Variants in MALT1 observed in about 807,000 individuals in gnomAD.
MALT1 encodes the protein mucosa-associated lymphoid tissue lymphoma translocation protein 1.
MALT1 carries 36 observed loss-of-function variants against 85.5 expected under a neutral mutation model. That is an observed-to-expected ratio of 0.42 (90% CI 0.32 to 0.56). MALT1 has a LOEUF of 0.56. Among genes scored for constraint, MALT1 ranks in the 20% least tolerant of loss-of-function variants. The pLI is 0.10. For missense variants in MALT1, 716 were observed against 981.6 expected, an observed-to-expected ratio of 0.73 and a Z score of 3.62; for synonymous variants, 359 against 361.3, an observed-to-expected ratio of 0.99 and a Z score of 0.07.
At chr18:58,727,614 G>GTTTTTTTTTT (rs1602327763) in intron 10 of MALT1, among the ~76,000 whole-genome samples, 13 of 110,484 alleles carry the variant, frequency 1.2e-4, no homozygotes, top group African/African-American at 5.3e-4. Flanking sequence ...AAGGTTTTTT[G>GTTTTTTTTTT]TGTTTTTTTT....
intron 4 of MALT1, among the ~76,000 whole-genome samples, chr18:58,706,446 C>T (rs971369029): frequency 3.9e-5 from 6 of 152,184 alleles, no homozygotes; most frequent in East Asian, 3.9e-4. Context: ...TGAGCCACCG[C>T]GCCCAGCCCA....
intron 2 of MALT1, among the ~76,000 whole-genome samples, chr18:58,687,946 A>C (rs142007845): frequency 2.2e-4 from 34 of 152,326 alleles, no homozygotes; most frequent in African/African-American, 7.5e-4. Context: ...AACTTCTCTG[A>C]CTTCTTTGTA....
chr18:58,716,059 AAATGTG>A (rs2144403642), intron 9 of MALT1, 92 bp downstream of exon 9: 1 of 909,522 alleles, frequency 1.1e-6, no homozygotes, highest in African/African-American at 1.7e-5. Flanking sequence ...TTTTTTAAAG[AAATGTG>A]AATAACATTG....
chr18:58,723,313 G>A, intron 10 of MALT1, 62 bp downstream of exon 10: 2 of 1,288,470 alleles, frequency 1.6e-6, no homozygotes, highest in Admixed American at 3.9e-5. Flanking sequence ...ATACAAGTTA[G>A]GTTAAGAATT....
chr18:58,737,291 G>A (rs1002652104), intron 13 of MALT1, among the ~76,000 whole-genome samples: 1 of 152,038 alleles, frequency 6.6e-6, no homozygotes, highest in Non-Finnish European at 1.5e-5. Flanking sequence ...ACCAACCTAG[G>A]CAACATTGTC....
rs760891541 is a variant in MALT1, at chr18:58,715,995, A to G, written c.1018+28A>G. 3 of 1,535,620 alleles carry G rather than the reference A, an allele frequency of 2.0e-6. No homozygotes were observed. In the Admixed American group the frequency reaches 5.5e-5, roughly 28 times the overall value. On this transcript the variant is annotated intron_variant, in intron 9 of 16. Transcript: ENST00000649217. ...GAGTAGAACTTTAAAATGCATTATC[A>G]AAGTATAATTATTGTGTATAACTCC...
intron 6 of MALT1, 61 bp from the exon 7 acceptor site, chr18:58,710,860 C>A: frequency 8.9e-7 from 1 of 1,128,834 alleles, no homozygotes; most frequent in Non-Finnish European, 1.3e-6. Flanking sequence ...ATTTGCTTGA[C>A]GGCTGCCCTT....
chr18:58,727,616 G>GTTTTTTTTTTTTTTTTTTTTTT lies in MALT1; in HGVS notation c.1222+4376_1222+4377insTTTTTTTTTTTTTTTTTTTTTT, dbSNP rs751434443. Among the ~76,000 whole-genome samples the GTTTTTTTTTTTTTTTTTTTTTT allele has an allele frequency of 7.5e-4, 91 of 121,234 alleles. 9 individuals are homozygous for GTTTTTTTTTTTTTTTTTTTTTT. Among genetic ancestry groups the GTTTTTTTTTTTTTTTTTTTTTT allele is most frequent in the African/African-American group, 2.3e-3 (70 of 30,636 alleles). 79.5% of individuals were successfully genotyped at this position (121,234 alleles called of 152,430 possible). ...ACCCAGCCTGCCAAAGGTTTTTTGT[G>GTTTTTTTTTTTTTTTTTTTTTT]TTTTTTTTTTTGTTTTTTTTTTTTT... On this transcript the variant is annotated intron_variant, in intron 10 of 16. Transcript: ENST00000649217.
chr18:58,679,592 C>T (rs190487230), intron 1 of MALT1, among the ~76,000 whole-genome samples: 1 of 152,260 alleles, frequency 6.6e-6, no homozygotes, highest in Non-Finnish European at 1.5e-5. Flanking sequence ...CTCGATCTGT[C>T]GCCCAAGCTG....
At chr18:58,719,067 T>C (rs1420424619) in intron 9 of MALT1, among the ~76,000 whole-genome samples, 1 of 152,182 alleles carries the variant, frequency 6.6e-6, no homozygotes, top group African/African-American at 2.4e-5. Context: ...ATACTGGTAA[T>C]GTAGTTATTT....
In MALT1 at chr18:58,747,891, T is replaced by A; in HGVS notation, c.*49T>A. 1 of 1,441,278 alleles carries A rather than the reference T, an allele frequency of 6.9e-7. No homozygotes were observed. The highest frequency in any genetic ancestry group is 9.6e-7 in the Non-Finnish European group (1 of 1,040,218). 89.3% of individuals were successfully genotyped at this position (1,441,278 alleles called of 1,614,324 possible). On this transcript the variant is annotated 3_prime_UTR_variant, in exon 17 of 17. Coordinates refer to ENST00000649217, the MANE Select transcript of MALT1 (RefSeq NM_006785.4). Reference sequence around the variant, plus strand: ...ATAATTTTAGATGCCTGTGAAATAGTACTGCACTTACATAAAGTGAGACAT... The same window carrying A: ...ATAATTTTAGATGCCTGTGAAATAGAACTGCACTTACATAAAGTGAGACAT...
chr18:58,724,392 T>G (rs796916205), intron 10 of MALT1, among the ~76,000 whole-genome samples: 10 of 152,316 alleles, frequency 6.6e-5, no homozygotes, highest in African/African-American at 2.4e-4. Flanking sequence ...ATTTCAGCTA[T>G]TATGCTGATG....
chr18:58,704,802 AGTTTGGAATGTCTTT>A (rs1306405112), intron 4 of MALT1, among the ~76,000 whole-genome samples: 3 of 150,518 alleles, frequency 2.0e-5, no homozygotes, highest in Non-Finnish European at 1.5e-5. Context: ...TCATTCTTTT[AGTTTGGAATGTCTTT>A]GTTTAAAGTT....
chr18:58,671,689 G>A lies in MALT1; in HGVS notation c.46G>A (p.Ala16Thr). The change falls in exon 1 of 17, where the codon GCC (alanine) becomes ACC (threonine). Residue 16 changes from alanine to threonine, a missense_variant. Physicochemically the swap from Ala to Thr is moderately conservative, Grantham distance 58. Transcript: ENST00000649217. ...GCTACAGGCCCTGCCGCCCTCGGCC[G>A]CCCCCACGGGGCCGCTGCTCGCCCC... ...DPLQALPPSA[A>T]PTGPLLAPPA... 2 of 1,251,532 alleles carry A rather than the reference G, an allele frequency of 1.6e-6. No individual in the cohort carries two copies. Among genetic ancestry groups the A allele is most frequent in the South Asian group, 6.3e-5 (2 of 31,998 alleles). The allele number at this position is 1,251,532 out of a possible 1,614,324, so 77.5% of individuals were successfully genotyped here. A position where few individuals can be genotyped will look rare whatever the true frequency, so the allele number is the denominator to read the frequency against.
rs1236958003 is a variant in MALT1, at chr18:58,750,495, T to C, written c.*2653T>C. ...AAGACGTACCAATTTCAAAAAGTGCTACCAAGCTACAATAAGACAGTGTAG... is the reference window on the plus strand; with the variant it reads ...AAGACGTACCAATTTCAAAAAGTGCCACCAAGCTACAATAAGACAGTGTAG... On this transcript the variant is annotated 3_prime_UTR_variant, in exon 17 of 17. Transcript: ENST00000649217. 1 of 152,212 alleles carries C rather than the reference T, an allele frequency of 6.6e-6. No individual in the cohort carries two copies. Among genetic ancestry groups the C allele is most frequent in the Admixed American group, 6.5e-5 (1 of 15,280 alleles). 9.4% of individuals were successfully genotyped at this position (152,212 alleles called of 1,614,324 possible). A position where few individuals can be genotyped will look rare whatever the true frequency, so the allele number is the denominator to read the frequency against.
chr18:58,714,380 TATATC>T (rs1407134740), intron 8 of MALT1, among the ~76,000 whole-genome samples: 1 of 152,156 alleles, frequency 6.6e-6, no homozygotes, highest in East Asian at 1.9e-4. Flanking sequence ...TATTACTCCT[TATATC>T]ATAACAAGGA....
chr18:58,733,514 A>C lies in MALT1; in HGVS notation c.1340A>C (p.Lys447Thr). The C allele has an allele frequency of 6.2e-7, 1 of 1,612,622 alleles. No individual in the cohort carries two copies. Among genetic ancestry groups the C allele is most frequent in the Non-Finnish European group, 8.5e-7 (1 of 1,178,980 alleles). Residue 447 changes from lysine to threonine, a missense_variant, in exon 11 of 17, where the codon AAA (lysine) becomes ACA (threonine). Transcript: ENST00000649217. ...TGTCTGTGTGTACAAAATATACTGAAATTGATGCAAGAAAAAGAAACTGGA... is the reference window on the plus strand; with the variant it reads ...TGTCTGTGTGTACAAAATATACTGACATTGATGCAAGAAAAAGAAACTGGA... ...ENCLCVQNIL[K>T]LMQEKETGLN...
At chr18:58,712,804 A>G (rs1345913950) in intron 7 of MALT1, among the ~76,000 whole-genome samples, 1 of 152,190 alleles carries the variant, frequency 6.6e-6, no homozygotes, top group Non-Finnish European at 1.5e-5. Context: ...ATGTACGATT[A>G]TTATGTATGA....
At chr18:58,678,065 G>T (rs1029877472) in intron 1 of MALT1, among the ~76,000 whole-genome samples, 34 of 152,114 alleles carry the variant, frequency 2.2e-4, no homozygotes, top group Admixed American at 2.1e-3. Flanking sequence ...CAAGCACTGT[G>T]TTAAGCACTT....
Sources: gnomAD v4.1 joint callset for allele counts (sites outside exome capture counted in the v4.1 genomes callset) on GRCh38, gnomAD v4.1.1 for gene constraint, MANE v1.5 for transcripts, NCBI Gene and HGNC (gene_info 2026-07-23, HGNC 2026-07-21) for gene names.